FNDC1: variants seen among roughly 807,000 people sequenced by gnomAD.
The protein encoded by FNDC1 is fibronectin type III domain containing 1.
In FNDC1, 96 loss-of-function variants were observed where a neutral mutation model predicts 168.0. The observed-to-expected ratio is 0.57, with a 90% CI of 0.48 to 0.68. The LOEUF (loss-of-function observed/expected upper bound fraction) is 0.68, where lower values mean the gene tolerates loss of function less well. Among genes scored for constraint, FNDC1 ranks in the 30% least tolerant of loss-of-function variants. The pLI is 0.00. For synonymous variants in FNDC1, 1,099 were observed against 1,025.9 expected (o/e 1.07, Z -1.36); for missense variants, 2,587 against 2,482.1 (o/e 1.04, Z -0.90).
At chr6:159,248,834 G>T (rs1777192706) in intron 15 of FNDC1, among the ~76,000 whole-genome samples, 1 of 152,032 alleles carries the variant, frequency 6.6e-6, no homozygotes, top group South Asian at 2.1e-4. Context: ...CTTCTTTTCT[G>T]CAGGGACAGA....
rs187075056 is a variant in FNDC1 at position 159,195,234 on chromosome 6, T to G, written c.110-2197T>G. ...TAAATTGTCACCATTAGAAAGTCAC[T>G]CCTCTGGTTTAAAGTTTTGTCATAA... On this transcript the variant is annotated intron_variant, in intron 1 of 22. Transcript: ENST00000297267. 7.0e-3 allele frequency among the ~76,000 whole-genome samples: 1,065 copies of G among 152,196 alleles called. 9 individuals are homozygous for G. The highest frequency in any genetic ancestry group is 0.025 in the African/African-American group (1,032 of 41,512).
At chr6:159,269,479 T>C (rs1197755419) in intron 22 of FNDC1, among the ~76,000 whole-genome samples, 25 of 135,092 alleles carry the variant, frequency 1.9e-4, no homozygotes, top group Non-Finnish European at 3.0e-4. Context: ...TCTATCTATC[T>C]ATCTATCTAT....
At position 159,266,202 on chromosome 6, in the gene FNDC1, T is replaced by C. The variant is rs202188278; in HGVS notation, c.5403T>C (p.Cys1801=). ...WYRKFVGVVL[C]NSLRYKIYLS... Reference sequence around the variant, plus strand: ...GAAAGTTCGTGGGAGTTGTTCTTTGTAATTCACTGAGGTATAAAATCTACC... The same window carrying C: ...GAAAGTTCGTGGGAGTTGTTCTTTGCAATTCACTGAGGTATAAAATCTACC... Residue 1801 remains cysteine, a synonymous_variant, in exon 21 of 23, where the codon TGT becomes TGC. Transcript: ENST00000297267. 4.2e-5 allele frequency: 68 copies of C among 1,614,000 alleles called. No homozygotes were observed. The African/African-American group carries it at 8.3e-4, about 20-fold the overall frequency.
intron 22 of FNDC1, among the ~76,000 whole-genome samples, chr6:159,269,040 C>T (rs567300772): frequency 8.6e-6 from 1 of 116,902 alleles, no homozygotes; most frequent in South Asian, 2.7e-4. Context: ...CCACCCACCT[C>T]TAGGTATCTA....
At chr6:159,222,739 A>G (rs1168884910) in intron 6 of FNDC1, among the ~76,000 whole-genome samples, 2 of 152,200 alleles carry the variant, frequency 1.3e-5, no homozygotes, top group East Asian at 1.9e-4. Context: ...ATCAAACCCA[A>G]TGTGAATCTT....
At position 159,251,517 on chromosome 6, in the gene FNDC1, G is replaced by A; in HGVS notation, c.5050G>A (p.Gly1684Arg). The change falls in exon 17 of 23, where the codon GGA becomes AGA. Residue 1684 changes from glycine (G) to arginine (R), a missense_variant. Transcript: ENST00000297267. The part of the protein sequence containing the change: ...VIVDWDKATP[G>R]DVVTGYLVYS... ...TGTGGACTGGGACAAAGCCACCCCA[G>A]GAGATGTGGTCACAGGTGTGTCCTA... The A allele has an allele frequency of 6.2e-7, 1 of 1,613,558 alleles. No homozygotes were observed. The highest frequency in any genetic ancestry group is 8.5e-7 in the Non-Finnish European group (1 of 1,179,760).
chr6:159,217,284 A>G (rs1782728801), intron 5 of FNDC1, among the ~76,000 whole-genome samples: 1 of 152,168 alleles, frequency 6.6e-6, no homozygotes, highest in South Asian at 2.1e-4. Context: ...GCTGGCGCGG[A>G]AACAGAGCAC....
chr6:159,188,373 T>C (rs965278686), intron 1 of FNDC1, among the ~76,000 whole-genome samples: 373 of 52,062 alleles, frequency 7.2e-3, no homozygotes, highest in Non-Finnish European at 8.7e-3. Flanking sequence ...TTCTTTCTTT[T>C]TTTTTTTTTT....
intron 18 of FNDC1, 99 bp from the exon 19 acceptor site, chr6:159,261,091 G>A (rs1777473269): frequency 1.2e-6 from 1 of 843,432 alleles, no homozygotes; most frequent in Admixed American, 2.4e-5. Context: ...AGAACTCAAA[G>A]CCTGTCACGG....
chr6:159,262,288 C>CATGTAG (rs1777502697), intron 19 of FNDC1, among the ~76,000 whole-genome samples: 1 of 152,064 alleles, frequency 6.6e-6, no homozygotes, highest in Non-Finnish European at 1.5e-5. Flanking sequence ...GCAGTCTGAG[C>CATGTAG]CCAGAAAATG....
chr6:159,252,803 T>C (rs1039806350), intron 17 of FNDC1, among the ~76,000 whole-genome samples: 1 of 152,260 alleles, frequency 6.6e-6, no homozygotes, highest in Admixed American at 6.5e-5. Flanking sequence ...TACTTTAAGC[T>C]GTTTAGCTTT....
intron 15 of FNDC1, among the ~76,000 whole-genome samples, chr6:159,247,674 C>T (rs755602728): frequency 3.3e-5 from 5 of 152,008 alleles, no homozygotes; most frequent in African/African-American, 4.8e-5. Flanking sequence ...GTTTTCAGCC[C>T]AGGAGTTCGA....
rs653521 is a variant in FNDC1 at position 159,233,881 on chromosome 6, C to T, written c.3369C>T (p.Gly1123=). 225,212 of 1,547,050 alleles carry T rather than the reference C, an allele frequency of 0.15. 18,694 individuals are homozygous for T. The highest frequency in any genetic ancestry group is 0.39 in the East Asian group (15,794 of 40,770). The change falls in exon 11 of 23, where the codon GGC becomes GGT. Residue 1123 remains glycine (G), a synonymous_variant. Coordinates refer to ENST00000297267, the MANE Select transcript of FNDC1 (RefSeq NM_032532.3). This position sits in a 1 kb window ranked among gnomAD's most constrained non-coding sequence, Gnocchi z 4.6. ...VESPTGAGAG[G]DHRSQRGHAA... ...CTCCCACAGGCGCAGGGGCAGGTGGCGACCACAGGTCCCAGCGCGGACATG... is the reference window on the plus strand; with the variant it reads ...CTCCCACAGGCGCAGGGGCAGGTGGTGACCACAGGTCCCAGCGCGGACATG...
At chr6:159,190,498 C>T (rs1343455932) in intron 1 of FNDC1, among the ~76,000 whole-genome samples, 3 of 152,272 alleles carry the variant, frequency 2.0e-5, no homozygotes, top group East Asian at 1.9e-4. Flanking sequence ...AGGTCTAGGC[C>T]GGTTGCTCTC....
chr6:159,232,878 A>G lies in FNDC1; in HGVS notation c.2366A>G (p.His789Arg). 6.2e-7 allele frequency: 1 copy of G among 1,613,488 alleles called. No homozygotes were observed. Among genetic ancestry groups the G allele is most frequent in the Non-Finnish European group, 8.5e-7 (1 of 1,179,864 alleles). The stretch of plus-strand genomic sequence containing the variant: ...GCGGAGGCTTCTGATGGTGAAAGCC[A>G]CGGTGACGGCGATAGGGAAGACGGC... ...EGAEASDGES[H>R]GDGDREDGGR... The change falls in exon 11 of 23, where the codon CAC becomes CGC. Residue 789 changes from histidine to arginine, a missense_variant. Physicochemically the swap from His to Arg is conservative, Grantham distance 29 (BLOSUM62 0). Coordinates refer to ENST00000297267, the MANE Select transcript of FNDC1 (RefSeq NM_032532.3). The surrounding 1 kb of genome is among the most constrained non-coding windows in gnomAD (Gnocchi z 4.9).
chr6:159,227,640 C>CTT (rs1209585889), intron 9 of FNDC1, among the ~76,000 whole-genome samples: 15 of 118,100 alleles, frequency 1.3e-4, no homozygotes, highest in African/African-American at 6.3e-4. Context: ...TACTATTCTT[C>CTT]TTTCTCTTTT....
intron 1 of FNDC1, among the ~76,000 whole-genome samples, chr6:159,188,642 T>TGCTGGGATTACAGGCGTGAGCC (rs901036365): frequency 3.3e-5 from 5 of 151,954 alleles, no homozygotes; most frequent in Non-Finnish European, 7.4e-5. Context: ...CCTCCCAAAG[T>TGCTGGGATTACAGGCGTGAGCC]GCTGGGATTA....
At position 159,169,758 on chromosome 6, in the gene FNDC1, T is replaced by C. The variant is rs558701793; in HGVS notation, c.109+53T>C. 12 of 705,896 alleles carry C rather than the reference T, an allele frequency of 1.7e-5. No homozygotes were observed. The South Asian group carries it at 6.9e-4, about 40-fold the overall frequency. 43.7% of individuals were successfully genotyped at this position (705,896 alleles called of 1,614,324 possible). ...CTCCTCAGCTCCCCGCGCACCCTCC[T>C]GCGCTCGGGCCCCGTCGTCCCGCTC... is the stretch of plus-strand genomic sequence containing the variant. On this transcript the variant is annotated intron_variant, in intron 1 of 22. Coordinates refer to ENST00000297267, the MANE Select transcript of FNDC1 (RefSeq NM_032532.3). The surrounding 1 kb of genome is among the most constrained non-coding windows in gnomAD (Gnocchi z 6.8).
At chr6:159,189,749 T>TAAGACA (rs1782091673) in intron 1 of FNDC1, among the ~76,000 whole-genome samples, 1 of 152,238 alleles carries the variant, frequency 6.6e-6, no homozygotes, top group Admixed American at 6.5e-5. Context: ...TTTTGAGCTA[T>TAAGACA]AAGACAAAGA....
Sources: gnomAD v4.1 joint callset for allele counts (sites outside exome capture counted in the v4.1 genomes callset) on GRCh38, gnomAD v4.1.1 for gene constraint, Gnocchi (gnomAD v3.1) non-coding constraint, MANE v1.5 for transcripts, NCBI Gene and HGNC (gene_info 2026-07-23, HGNC 2026-07-21) for gene names.